Variants in MARCHF10 observed in about 807,000 individuals in gnomAD.
MARCHF10 encodes membrane associated ring-CH-type finger 10.
A neutral mutation model predicts 76.2 loss-of-function variants in MARCHF10; 64 were observed. The ratio of observed to expected loss-of-function variants is 0.84; its 90% confidence interval spans 0.69 to 1.03. The LOEUF is 1.03. Among genes scored for constraint, MARCHF10 ranks in the 50% least tolerant of loss-of-function variants. The pLI is 0.00. For synonymous variants in MARCHF10, 340 were observed against 357.5 expected, an observed-to-expected ratio of 0.95 and a Z score of 0.55; for missense variants, 875 against 958.0, an observed-to-expected ratio of 0.91 and a Z score of 1.14.
At chr17:62,793,072 TCCATCACCACCACCACCTCCATTA>T (rs1568219027) in intron 2 of MARCHF10, among the ~76,000 whole-genome samples, 1 of 113,254 alleles carries the variant, frequency 8.8e-6, no homozygotes, top group Non-Finnish European at 1.8e-5. Context: ...TACCAACACC[TCCATCACCACCACCACCTCCATTA>T]CCACCACCAC....
Position 62,736,202 on chromosome 17 carries a change from C to A in MARCHF10, c.1666G>T (p.Ala556Ser), listed in dbSNP as rs370504806. The A allele has an allele frequency of 2.0e-5, 33 of 1,614,038 alleles. No individual in the cohort carries two copies. Among genetic ancestry groups the A allele is most frequent in the Non-Finnish European group, 2.8e-5 (33 of 1,180,036 alleles). Residue 556 changes from alanine to serine, a missense_variant, in exon 6 of 11, where the codon GCT (alanine) becomes TCT (serine). Coordinates refer to ENST00000311269, the MANE Select transcript of MARCHF10 (RefSeq NM_152598.4). Reference protein sequence around the residue: ...DTTLTSQPQGAPLYTDLLLNP... With the variant: ...DTTLTSQPQGSPLYTDLLLNP... ...AGTAAGAGATCTGTATATAGTGGAG[C>A]CCCCTGAGGCTGGCTTGTTAAAGTA... is the stretch of plus-strand genomic sequence containing the variant.
chr17:62,805,966 C>A (rs2093157882), intron 1 of MARCHF10, among the ~76,000 whole-genome samples: 1 of 151,800 alleles, frequency 6.6e-6, no homozygotes, highest in African/African-American at 2.4e-5. Flanking sequence ...CTACAAAAGT[C>A]TCTCTTCCTT....
At chr17:62,755,659 G>A (rs1178657755) in intron 4 of MARCHF10, among the ~76,000 whole-genome samples, 1 of 152,224 alleles carries the variant, frequency 6.6e-6, no homozygotes, top group Non-Finnish European at 1.5e-5. Flanking sequence ...GCCAGGTCTT[G>A]ACTCACTGCC....
Position 62,805,095 on chromosome 17 carries a change from C to G in MARCHF10, c.-18+2982G>C, listed in dbSNP as rs184944206. 111 of 152,258 alleles carry G rather than the reference C, an allele frequency of 7.3e-4. 1 individual carries two copies. The highest frequency in any genetic ancestry group is 4.1e-3 in the Admixed American group (62 of 15,284). The allele number at this position is 152,258 out of a possible 1,614,324, so 9.4% of individuals were successfully genotyped here. A position where few individuals can be genotyped will look rare whatever the true frequency, so the allele number is the denominator to read the frequency against. On this transcript the variant is annotated intron_variant, in intron 1 of 10. Transcript: ENST00000311269. ...GCTCGTCTCTTGGGGGCTATTTTCT[C>G]TGGAGTATGGAAAGTTGGTCTTTTG...
chr17:62,782,693 G>A (rs1296098224), intron 3 of MARCHF10, among the ~76,000 whole-genome samples: 2 of 152,064 alleles, frequency 1.3e-5, no homozygotes, highest in Non-Finnish European at 2.9e-5. Context: ...AAATCTGGGA[G>A]GGGAATCTCC....
chr17:62,736,394 A>G lies in MARCHF10; in HGVS notation c.1474T>C (p.Ser492Pro). 2 of 1,614,204 alleles carry G rather than the reference A, an allele frequency of 1.2e-6. No homozygotes were observed. Among genetic ancestry groups the G allele is most frequent in the Non-Finnish European group, 1.7e-6 (2 of 1,180,020 alleles). The change falls in exon 6 of 11, where the codon TCA becomes CCA. Residue 492 changes from serine to proline, a missense_variant. Physicochemically the swap from Ser to Pro is moderately conservative, Grantham distance 74. Transcript: ENST00000311269. Reference protein sequence around the residue: ...RDDIPVDLSMSSTSVHSSDSE... With the variant: ...RDDIPVDLSMPSTSVHSSDSE... The stretch of plus-strand genomic sequence containing the variant: ...TCTGAGCTGTGAACTGAAGTCGATG[A>G]CATTGACAAGTCTACTGGAATATCA...
At chr17:62,800,243 C>T (rs188276156) in intron 2 of MARCHF10, among the ~76,000 whole-genome samples, 150 of 152,258 alleles carry the variant, frequency 9.9e-4, no homozygotes, top group Non-Finnish European at 1.5e-3. Context: ...AAAACGGCAA[C>T]GGCTCAAAGC....
chr17:62,794,961 A>G (rs2092958870), intron 2 of MARCHF10: 189 of 749,916 alleles, frequency 2.5e-4, no homozygotes, highest in Non-Finnish European at 2.9e-4. Context: ...TTGAGATAGT[A>G]TTCCCCTCCA....
chr17:62,807,758 T>A (rs1220718768), intron 1 of MARCHF10, among the ~76,000 whole-genome samples: 4 of 151,992 alleles, frequency 2.6e-5, no homozygotes, highest in Non-Finnish European at 5.9e-5. Flanking sequence ...GCGAGACTCC[T>A]TCTCAAAAAT....
chr17:62,756,933 T>G (rs2092061106), intron 4 of MARCHF10, among the ~76,000 whole-genome samples: 1 of 152,216 alleles, frequency 6.6e-6, no homozygotes, highest in African/African-American at 2.4e-5. Context: ...TGTGAATTCC[T>G]TCTAACAGGA....
intron 2 of MARCHF10, among the ~76,000 whole-genome samples, chr17:62,794,500 C>T (rs1459980164): frequency 6.6e-6 from 1 of 152,212 alleles, no homozygotes; most frequent in Non-Finnish European, 1.5e-5. Context: ...AGGTCTGTTT[C>T]CTATACCCCA....
intron 3 of MARCHF10, among the ~76,000 whole-genome samples, chr17:62,771,604 T>C (rs1433458008): frequency 7.3e-6 from 1 of 136,340 alleles, no homozygotes; most frequent in East Asian, 2.3e-4. Context: ...TGAGACAGAG[T>C]CTCACTCTGT....
intron 6 of MARCHF10, among the ~76,000 whole-genome samples, chr17:62,729,178 A>G (rs2090904579): frequency 6.6e-6 from 1 of 151,942 alleles, no homozygotes; most frequent in Non-Finnish European, 1.5e-5. Context: ...CCTGAGCTCA[A>G]GGAATCTGCC....
intron 8 of MARCHF10, among the ~76,000 whole-genome samples, chr17:62,714,755 C>A (rs1332571250): frequency 6.6e-6 from 1 of 151,982 alleles, no homozygotes; most frequent in African/African-American, 2.4e-5. Context: ...TCCCCCTTCT[C>A]CTCTTTTTTT....
intron 3 of MARCHF10, among the ~76,000 whole-genome samples, chr17:62,785,770 G>GA (rs1337982934): frequency 9.2e-5 from 14 of 152,164 alleles, no homozygotes; most frequent in African/African-American, 3.1e-4. Flanking sequence ...ACAGACACAT[G>GA]AAAAAATGCT....
chr17:62,764,770 T>C (rs1405220007), intron 3 of MARCHF10, among the ~76,000 whole-genome samples: 3 of 152,262 alleles, frequency 2.0e-5, no homozygotes, highest in African/African-American at 7.2e-5. Context: ...AGTGCTGTTG[T>C]AGCACGAAGC....
At chr17:62,709,618 G>A (rs889783553) in intron 9 of MARCHF10, among the ~76,000 whole-genome samples, 6 of 152,228 alleles carry the variant, frequency 3.9e-5, no homozygotes, top group Non-Finnish European at 8.8e-5. Flanking sequence ...CTTCTCTGCT[G>A]ACTTAGTGCC....
intron 7 of MARCHF10, among the ~76,000 whole-genome samples, chr17:62,724,521 G>T (rs1022536129): frequency 1.3e-5 from 2 of 151,998 alleles, no homozygotes; most frequent in African/African-American, 4.8e-5. Flanking sequence ...CTCTCATGAG[G>T]GACCTTCTGA....
At chr17:62,795,051 C>T (rs1253593346) in intron 2 of MARCHF10, 1 of 985,156 alleles carries the variant, frequency 1.0e-6, no homozygotes, top group African/African-American at 1.7e-5. Context: ...GAATCCCTCA[C>T]CTCCGTCCCT....
Sources: allele counts gnomAD v4.1 joint callset (sites outside exome capture counted in the v4.1 genomes callset), GRCh38; gene constraint gnomAD v4.1.1; transcripts MANE v1.5; gene names NCBI Gene and HGNC (gene_info 2026-07-23, HGNC 2026-07-21).